Variants in BLTP3B observed in about 807,000 individuals in gnomAD.
BLTP3B encodes the protein bridge-like lipid transfer protein family member 3B.
At chr12:100,101,958 C>T in the BLTP3B span, among the ~76,000 whole-genome samples, 3 of 151,864 alleles carry the variant, frequency 2.0e-5, no homozygotes, top group Admixed American at 1.3e-4. Context: ...CGTATACCAC[C>T]GCACCCAGTT....
the BLTP3B span, chr12:100,098,236 A>T: frequency 1.7e-6 from 2 of 1,162,032 alleles, no homozygotes; most frequent in African/African-American, 3.1e-5. Flanking sequence ...CTCCCCAAAA[A>T]AAGTAATACA....
chr12:100,136,322 T>G, the BLTP3B span, among the ~76,000 whole-genome samples: 3 of 152,014 alleles, frequency 2.0e-5, no homozygotes. Flanking sequence ...CATATAGCAA[T>G]AAAATTTTTT....
At chr12:100,089,805 C>T in the BLTP3B span, among the ~76,000 whole-genome samples, 1 of 152,192 alleles carries the variant, frequency 6.6e-6, no homozygotes, top group Non-Finnish European at 1.5e-5. Context: ...CCCTGTGTCC[C>T]CACCCAAATC....
chr12:100,049,413 T>C, the BLTP3B span, among the ~76,000 whole-genome samples: 3 of 152,282 alleles, frequency 2.0e-5, no homozygotes, highest in Admixed American at 2.0e-4. Context: ...AGCATGGGTG[T>C]GACTAGTCTT....
chr12:100,097,657 A>G, the BLTP3B span: 1 of 843,286 alleles, frequency 1.2e-6, no homozygotes, highest in South Asian at 2.2e-5. Context: ...TGTAAATTGC[A>G]TTATTCCATC....
the BLTP3B span, among the ~76,000 whole-genome samples, chr12:100,063,612 G>A: frequency 8.1e-4 from 123 of 151,754 alleles, 1 homozygote; most frequent in Non-Finnish European, 1.6e-3. Context: ...AGGCTGAGGC[G>A]GGAGAATCAC....
chr12:100,070,262 CAGA>C, the BLTP3B span: 1 of 1,378,786 alleles, frequency 7.3e-7, no homozygotes, highest in Non-Finnish European at 9.5e-7. Context: ...GATTAAATGC[CAGA>C]AGGTTTTTTA....
At chr12:100,061,389 G>A in the BLTP3B span, among the ~76,000 whole-genome samples, 4 of 152,172 alleles carry the variant, frequency 2.6e-5, no homozygotes, top group African/African-American at 7.2e-5. Flanking sequence ...CCGGCGCGGT[G>A]GCTCACGCCT....
At chr12:100,075,810 TTAG>T in the BLTP3B span, among the ~76,000 whole-genome samples, 10,405 of 152,094 alleles carry the variant, frequency 0.068, 384 homozygotes, top group South Asian at 0.087. Flanking sequence ...CTCAGATACA[TTAG>T]TTAGAATGGC....
At chr12:100,088,768 T>C in the BLTP3B span, 4 of 567,458 alleles carry the variant, frequency 7.0e-6, no homozygotes, top group Non-Finnish European at 8.3e-6. Flanking sequence ...ATGCTTCCAG[T>C]TGTGCCTTTC....
At chr12:100,083,039 G>A in the BLTP3B span, 2 of 1,613,402 alleles carry the variant, frequency 1.2e-6, no homozygotes, top group African/African-American at 2.7e-5. Flanking sequence ...AAATCTGCAA[G>A]TCTAACCACA....
chr12:100,050,329 T>C, the BLTP3B span: 1 of 1,590,174 alleles, frequency 6.3e-7, no homozygotes, highest in African/African-American at 1.4e-5. Context: ...CTATTAATGA[T>C]TGCATAAATA....
the BLTP3B span, chr12:100,037,812 CTATTTA>C: frequency 1.4e-6 from 2 of 1,454,422 alleles, no homozygotes; most frequent in Non-Finnish European, 9.3e-7. Flanking sequence ...GAAATACAGA[CTATTTA>C]TATAGTATCC....
At chr12:100,102,757 G>C in the BLTP3B span, 2 of 1,503,804 alleles carry the variant, frequency 1.3e-6, no homozygotes, top group Non-Finnish European at 1.8e-6. Flanking sequence ...ATTAATGGAA[G>C]TAGCTTACCT....
chr12:100,047,992 G>A, the BLTP3B span: 2 of 1,593,882 alleles, frequency 1.3e-6, no homozygotes, highest in Non-Finnish European at 1.7e-6. Flanking sequence ...TGGCATTACT[G>A]TTGCAACAGT....
At chr12:100,085,645 T>G in the BLTP3B span, among the ~76,000 whole-genome samples, 1 of 152,214 alleles carries the variant, frequency 6.6e-6, no homozygotes, top group South Asian at 2.1e-4. Flanking sequence ...TTAAATGTCC[T>G]GGAAAACTCT....
chr12:100,101,862 G>C, the BLTP3B span, among the ~76,000 whole-genome samples: 1 of 152,154 alleles, frequency 6.6e-6, no homozygotes, highest in East Asian at 1.9e-4. Context: ...GCAGTGCAGT[G>C]GCATGAGCTC....
At chr12:100,104,270 T>C in the BLTP3B span, among the ~76,000 whole-genome samples, 1 of 150,204 alleles carries the variant, frequency 6.7e-6, no homozygotes, top group Non-Finnish European at 1.5e-5. Flanking sequence ...AGTGGCACGA[T>C]ATCGGCTCAC....
the BLTP3B span, chr12:100,047,551 C>T: frequency 7.4e-6 from 12 of 1,611,074 alleles, no homozygotes; most frequent in South Asian, 1.1e-5. Context: ...AAAGAGCCAT[C>T]GTCACTTCTC....
Sources: allele counts gnomAD v4.1 joint callset (sites outside exome capture counted in the v4.1 genomes callset), GRCh38; gene constraint gnomAD v4.1.1; transcripts MANE v1.5; gene names NCBI Gene and HGNC (gene_info 2026-07-23, HGNC 2026-07-21).